Variants in COL28A1 observed in about 807,000 individuals in gnomAD.
COL28A1 encodes collagen alpha-1(XXVIII) chain.
A neutral mutation model predicts 150.2 loss-of-function variants in COL28A1; 161 were observed. That is an observed-to-expected ratio of 1.07 (90% CI 0.94 to 1.22). The LOEUF (loss-of-function observed/expected upper bound fraction) is 1.22. Among genes scored for constraint, COL28A1 ranks in the 50% most tolerant of loss-of-function variants. COL28A1 has a pLI of 0.00. For missense variants in COL28A1, 1,617 were observed against 1,388.3 expected, an observed-to-expected ratio of 1.16 and a Z score of -2.62; for synonymous variants, 552 against 469.7, an observed-to-expected ratio of 1.18 and a Z score of -2.26.
intron 27 of COL28A1, among the ~76,000 whole-genome samples, chr7:7,400,232 A>G (rs1010316145): frequency 6.6e-6 from 1 of 152,170 alleles, no homozygotes; most frequent in Non-Finnish European, 1.5e-5. Context: ...AAAGTTAAGG[A>G]TTGTGGCATG....
At chr7:7,472,577 T>C (rs1788527806) in intron 15 of COL28A1, among the ~76,000 whole-genome samples, 1 of 152,186 alleles carries the variant, frequency 6.6e-6, no homozygotes, top group Admixed American at 6.5e-5. Flanking sequence ...AGAATCAATA[T>C]TGTGACAATG....
chr7:7,450,946 C>CA (rs1012827692), intron 18 of COL28A1, among the ~76,000 whole-genome samples: 3 of 151,556 alleles, frequency 2.0e-5, no homozygotes, highest in African/African-American at 4.8e-5. Flanking sequence ...TTTAAGGACA[C>CA]AAAAAAAGTG....
At chr7:7,474,705 CA>C (rs770856027) in intron 14 of COL28A1, 36 bp from the exon 15 acceptor site, 2 of 901,552 alleles carry the variant, frequency 2.2e-6, no homozygotes, top group Non-Finnish European at 3.7e-6. Context: ...ATGCACCAAC[CA>C]AAATCTGAAT....
At chr7:7,413,014 G>C (rs1219796561) in intron 27 of COL28A1, among the ~76,000 whole-genome samples, 2 of 151,954 alleles carry the variant, frequency 1.3e-5, no homozygotes, top group African/African-American at 2.4e-5. Context: ...AATACAGATG[G>C]GGGGAGATAT....
chr7:7,538,636 G>A (rs1363247443), upstream of COL28A1, among the ~76,000 whole-genome samples: 1 of 151,996 alleles, frequency 6.6e-6, no homozygotes, highest in Non-Finnish European at 1.5e-5. Context: ...TAATTTCAGT[G>A]GTGATGATAT....
chr7:7,508,604 G>C (rs1780954017), intron 9 of COL28A1, among the ~76,000 whole-genome samples: 1 of 152,190 alleles, frequency 6.6e-6, no homozygotes, highest in African/African-American at 2.4e-5. Flanking sequence ...TCAACAATTA[G>C]TATTATACAT....
At chr7:7,342,754 A>G in the COL28A1 span, among the ~76,000 whole-genome samples, 2 of 151,952 alleles carry the variant, frequency 1.3e-5, no homozygotes, top group Non-Finnish European at 2.9e-5. Flanking sequence ...TTGCATTTTA[A>G]TTCTTTTTAA....
rs115390039 is a variant in COL28A1 at position 7,360,538 on chromosome 7, A to G, written c.3067-10T>C. The G allele has an allele frequency of 6.6e-4, 1,055 of 1,590,806 alleles. 6 individuals are homozygous for G. In the African/African-American group the frequency reaches 0.013, roughly 19 times the overall value. ...CTCTGGTGACACTCAACTACACAAA[A>G]ATATTCACATTTTGTGTTTCTGATA... On this transcript the variant is annotated splice_polypyrimidine_tract_variant and intron_variant, in intron 33 of 34. Coordinates refer to ENST00000399429, the MANE Select transcript of COL28A1 (RefSeq NM_001037763.3).
At chr7:7,494,232 C>T (rs768455636) in intron 11 of COL28A1, among the ~76,000 whole-genome samples, 32 of 152,288 alleles carry the variant, frequency 2.1e-4, no homozygotes, top group Non-Finnish European at 3.2e-4. Flanking sequence ...ATTTAATCTT[C>T]TAACAATCAT....
At chr7:7,344,880 C>G in the COL28A1 span, among the ~76,000 whole-genome samples, 1 of 152,044 alleles carries the variant, frequency 6.6e-6, no homozygotes, top group Non-Finnish European at 1.5e-5. Flanking sequence ...TTTAGATGCT[C>G]CTTTTCATTT....
chr7:7,484,791 T>G (rs1779533104), intron 13 of COL28A1, among the ~76,000 whole-genome samples: 1 of 152,166 alleles, frequency 6.6e-6, no homozygotes, highest in Non-Finnish European at 1.5e-5. Context: ...CATGAAATAT[T>G]GCACAGCCAT....
chr7:7,476,973 A>T, intron 14 of COL28A1, 139 bp downstream of exon 14: 2 of 599,516 alleles, frequency 3.3e-6, no homozygotes, highest in South Asian at 5.0e-5. Context: ...GGAAATTTAC[A>T]TATTCCTTCA....
intron 27 of COL28A1, among the ~76,000 whole-genome samples, chr7:7,383,925 G>A (rs571526252): frequency 6.6e-6 from 1 of 150,660 alleles, no homozygotes; most frequent in South Asian, 2.1e-4. Flanking sequence ...ATATAAAATG[G>A]TACAAAATAA....
chr7:7,377,438 C>A (rs1446870373), intron 30 of COL28A1, among the ~76,000 whole-genome samples: 2 of 152,228 alleles, frequency 1.3e-5, no homozygotes, highest in South Asian at 4.2e-4. Flanking sequence ...GGAACCATCT[C>A]GATCTGCTGG....
In COL28A1 at chr7:7,489,536, T is replaced by G. The variant is rs149731643; in HGVS notation, c.1096-79A>C. 2.4e-4 allele frequency: 202 copies of G among 828,388 alleles called. No individual in the cohort carries two copies. The African/African-American group carries it at 3.0e-3, about 12-fold the overall frequency. The allele number at this position is 828,388 out of a possible 1,614,324, so 51.3% of individuals were successfully genotyped here. A position where few individuals can be genotyped will look rare whatever the true frequency, so the allele number is the denominator to read the frequency against. ...CATAGCGCAAAGTTCTCTCAAGATT[T>G]CAACAAGGATAAATAGCGAAATAGA... On this transcript the variant is annotated intron_variant, in intron 12 of 34. Coordinates refer to ENST00000399429, the MANE Select transcript of COL28A1 (RefSeq NM_001037763.3).
chr7:7,510,712 T>A lies in COL28A1; in HGVS notation c.927+379A>T, dbSNP rs181122336. On this transcript the variant is annotated intron_variant, in intron 9 of 34. Coordinates refer to ENST00000399429, the MANE Select transcript of COL28A1 (RefSeq NM_001037763.3). ...ACTATTTCACTGACTGATTTCAGAG[T>A]TCTTCACACTATTTTGGAAAGTGCC... is the stretch of plus-strand genomic sequence containing the variant. Among the ~76,000 whole-genome samples, 4 of 152,330 alleles carry A rather than the reference T, an allele frequency of 2.6e-5. No individual in the cohort carries two copies. In the East Asian group the frequency reaches 7.7e-4, roughly 29 times the overall value.
intron 15 of COL28A1, among the ~76,000 whole-genome samples, chr7:7,465,545 C>T (rs895898238): frequency 7.2e-6 from 1 of 138,910 alleles, no homozygotes; most frequent in Admixed American, 7.3e-5. Context: ...CCCGCCATTG[C>T]CCAGGCTTGC....
chr7:7,463,363 A>G (rs897115513), intron 15 of COL28A1, among the ~76,000 whole-genome samples: 4 of 152,226 alleles, frequency 2.6e-5, no homozygotes, highest in Non-Finnish European at 5.9e-5. Context: ...TAAGTTTTAT[A>G]AAGAGTATCT....
intron 27 of COL28A1, among the ~76,000 whole-genome samples, chr7:7,394,563 A>G (rs1782732971): frequency 6.6e-6 from 1 of 152,338 alleles, no homozygotes; most frequent in Admixed American, 6.5e-5. Context: ...GAGGTTGGCC[A>G]TGACAATAAG....
Sources: gnomAD v4.1 joint callset for allele counts (sites outside exome capture counted in the v4.1 genomes callset) on GRCh38, gnomAD v4.1.1 for gene constraint, MANE v1.5 for transcripts, NCBI Gene and HGNC (gene_info 2026-07-23, HGNC 2026-07-21) for gene names.